Variants in CDH9 observed in about 807,000 individuals in gnomAD.
CDH9 encodes cadherin 9.
CDH9 carries 28 observed loss-of-function variants against 70.9 expected under a neutral mutation model. The observed-to-expected ratio is 0.40, with a 90% CI of 0.29 to 0.54. The LOEUF is 0.54. CDH9 is among the 20% of genes least tolerant of loss of function. The pLI is 0.59. For synonymous variants in CDH9, 409 were observed against 343.1 expected, an observed-to-expected ratio of 1.19 and a Z score of -2.12; for missense variants, 874 against 984.4, an observed-to-expected ratio of 0.89 and a Z score of 1.50.
At position 26,881,580 on chromosome 5, in the gene CDH9, C is replaced by A; in HGVS notation, c.1926G>T (p.Lys642Asn). 1 of 1,612,222 alleles carries A rather than the reference C, an allele frequency of 6.2e-7. No individual in the cohort carries two copies. Among genetic ancestry groups the A allele is most frequent in the South Asian group, 1.1e-5 (1 of 90,796 alleles). Reference protein sequence around the residue: ...LFAALKRQRKKEPLIISKDDV... With the variant: ...LFAALKRQRKNEPLIISKDDV... ...CGTCTTTTGAAATTATCAGAGGTTC[C>A]TTTTTTCTTTGCCTCTTCAATGCAG... The change falls in exon 12 of 12, where the codon AAG (lysine) becomes AAT (asparagine). Residue 642 changes from lysine (K) to asparagine (N), a missense_variant. Coordinates refer to ENST00000231021, the MANE Select transcript of CDH9 (RefSeq NM_016279.4).
At chr5:26,926,056 A>T (rs1741330439) in intron 2 of CDH9, among the ~76,000 whole-genome samples, 1 of 152,170 alleles carries the variant, frequency 6.6e-6, no homozygotes, top group African/African-American at 2.4e-5. Context: ...CTCTCTCACC[A>T]TTCCTATTCA....
At position 26,906,146 on chromosome 5, in the gene CDH9, A is replaced by G. The variant is rs1041159504; in HGVS notation, c.644-20T>C. On this transcript the variant is annotated intron_variant, in intron 4 of 11. Coordinates refer to ENST00000231021, the MANE Select transcript of CDH9 (RefSeq NM_016279.4). ...TTATGCCTTTTGGAAAAAGCAGACA[A>G]AAGTTTTGCAATTAAATCGCTGAGT... is the stretch of plus-strand genomic sequence containing the variant. 5 of 1,596,748 alleles carry G rather than the reference A, an allele frequency of 3.1e-6. No homozygotes were observed. Among genetic ancestry groups the G allele is most frequent in the Non-Finnish European group, 4.3e-6 (5 of 1,171,290 alleles).
At chr5:26,896,655 A>G (rs1370938901) in intron 7 of CDH9, among the ~76,000 whole-genome samples, 1 of 151,950 alleles carries the variant, frequency 6.6e-6, no homozygotes, top group African/African-American at 2.4e-5. Flanking sequence ...AATCTCTGGG[A>G]CACAGCTAAA....
At chr5:27,031,752 G>T (rs757650098) in intron 1 of CDH9, among the ~76,000 whole-genome samples, 2 of 151,826 alleles carry the variant, frequency 1.3e-5, no homozygotes, top group Non-Finnish European at 2.9e-5. Flanking sequence ...CAATGTAAAC[G>T]GTTGTGTGAC....
intron 2 of CDH9, among the ~76,000 whole-genome samples, chr5:26,952,510 C>T (rs1050986832): frequency 7.2e-6 from 1 of 137,990 alleles, no homozygotes; most frequent in Non-Finnish European, 1.5e-5. Context: ...TGGGAGGCGC[C>T]TGTGGTCCCA....
intron 7 of CDH9, among the ~76,000 whole-genome samples, chr5:26,900,635 A>G (rs570879522): frequency 5.9e-5 from 9 of 152,136 alleles, no homozygotes; most frequent in Non-Finnish European, 1.2e-4. Flanking sequence ...AACATGTTTC[A>G]TCATCTAAGT....
intron 1 of CDH9, among the ~76,000 whole-genome samples, chr5:27,014,842 G>C (rs1743019170): frequency 6.6e-6 from 1 of 151,706 alleles, no homozygotes; most frequent in Non-Finnish European, 1.5e-5. Context: ...ATTCATCTAA[G>C]AGTTTTTCAA....
intron 1 of CDH9, among the ~76,000 whole-genome samples, chr5:27,008,887 T>G (rs192479376): frequency 4.1e-4 from 62 of 152,294 alleles, no homozygotes; most frequent in Admixed American, 4.6e-4. Context: ...AAAATAACTT[T>G]GCAATTGAAG....
At chr5:26,890,758 A>G (rs1740646307) in intron 7 of CDH9, 194 bp from the exon 8 acceptor site, 2 of 539,188 alleles carry the variant, frequency 3.7e-6, no homozygotes, top group South Asian at 4.7e-5. Context: ...TCTACTTACT[A>G]TATTATCCTA....
chr5:26,998,171 T>C (rs1320384947), intron 1 of CDH9, among the ~76,000 whole-genome samples: 1 of 152,134 alleles, frequency 6.6e-6, no homozygotes, highest in Admixed American at 6.6e-5. Flanking sequence ...AAACAACCAA[T>C]GCCCAACAGG....
chr5:27,009,314 G>A (rs1210521244), intron 1 of CDH9, among the ~76,000 whole-genome samples: 41 of 152,080 alleles, frequency 2.7e-4, no homozygotes, highest in Non-Finnish European at 4.4e-5. Flanking sequence ...AGAAACCTAT[G>A]CATTAAAAGA....
At chr5:26,953,352 C>A (rs1741887104) in intron 2 of CDH9, among the ~76,000 whole-genome samples, 1 of 152,150 alleles carries the variant, frequency 6.6e-6, no homozygotes, top group Admixed American at 6.5e-5. Context: ...TTGTACACTA[C>A]AATTGTAATC....
Position 26,889,943 on chromosome 5 carries a change from T to C in CDH9, c.1405A>G (p.Ser469Gly). The change falls in exon 9 of 12, where the codon AGT becomes GGT. Residue 469 changes from serine (S) to glycine (G), a missense_variant. Ser to Gly is a moderately conservative substitution (Grantham distance 56). Coordinates refer to ENST00000231021, the MANE Select transcript of CDH9 (RefSeq NM_016279.4). ...CTGATGAAGACAGGGATGTGGCTACTTTGTTTTGGGTTATCTGCAACGAGA... is the reference window on the plus strand; with the variant it reads ...CTGATGAAGACAGGGATGTGGCTACCTTGTTTTGGGTTATCTGCAACGAGA... ...TATEINNPKQSSHIPVFIRIL... is the reference protein window; with the variant it reads ...TATEINNPKQGSHIPVFIRIL... The C allele has an allele frequency of 6.2e-7, 1 of 1,609,414 alleles. No homozygotes were observed. Among genetic ancestry groups the C allele is most frequent in the Non-Finnish European group, 8.5e-7 (1 of 1,177,852 alleles).
chr5:26,890,697 A>G (rs1393501745), intron 7 of CDH9, 133 bp from the exon 8 acceptor site: 1 of 635,242 alleles, frequency 1.6e-6, no homozygotes, highest in Non-Finnish European at 2.8e-6. Context: ...ACTTTCTTGA[A>G]TTTTTATTTT....
At position 26,902,674 on chromosome 5, in the gene CDH9, G is replaced by A. The variant is rs1338891685; in HGVS notation, c.1055C>T (p.Thr352Ile). The change falls in exon 7 of 12, where the codon ACT becomes ATT. Residue 352 changes from threonine (T) to isoleucine (I), a missense_variant. Transcript: ENST00000231021. ...GTGTAAGAATCGTGGATCAGGGTGA[G>A]TGTTACTTGCATCCACTCTTAAAGT... Reference protein sequence around the residue: ...LYTLRVDASNTHPDPRFLHLG... With the variant: ...LYTLRVDASNIHPDPRFLHLG... 16 of 1,577,664 alleles carry A rather than the reference G, an allele frequency of 1.0e-5. No homozygotes were observed. Among genetic ancestry groups the A allele is most frequent in the Non-Finnish European group, 1.4e-5 (16 of 1,147,346 alleles).
chr5:26,920,754 C>T (rs958837115), intron 2 of CDH9, among the ~76,000 whole-genome samples: 9 of 152,148 alleles, frequency 5.9e-5, no homozygotes, highest in African/African-American at 1.9e-4. Context: ...AAAGCAGTAC[C>T]TCTATGAGTC....
chr5:26,894,615 A>T (rs1427665519), intron 7 of CDH9, among the ~76,000 whole-genome samples: 3 of 152,118 alleles, frequency 2.0e-5, no homozygotes, highest in African/African-American at 7.2e-5. Flanking sequence ...TCTTTTATTT[A>T]GCAGCCAAAC....
In CDH9 at chr5:26,988,392, A is replaced by G; in HGVS notation, c.-49-10T>C. 1 of 1,569,830 alleles carries G rather than the reference A, an allele frequency of 6.4e-7. No individual in the cohort carries two copies. The highest frequency in any genetic ancestry group is 1.2e-5 in the South Asian group (1 of 86,338). On this transcript the variant is annotated splice_polypyrimidine_tract_variant and intron_variant, in intron 1 of 11. Coordinates refer to ENST00000231021, the MANE Select transcript of CDH9 (RefSeq NM_016279.4). ...GTATTGTTTGTTTTTCCTAAAGAGT[A>G]AGGAGAAAAAAAATGGCTGTATTAG...
intron 1 of CDH9, among the ~76,000 whole-genome samples, chr5:27,017,209 T>A (rs1245965313): frequency 6.6e-6 from 1 of 151,966 alleles, no homozygotes; most frequent in African/African-American, 2.4e-5. Context: ...ACATTGAGAA[T>A]GAAGGAACAA....
Sources: gnomAD v4.1 joint callset for allele counts (sites outside exome capture counted in the v4.1 genomes callset) on GRCh38, gnomAD v4.1.1 for gene constraint, MANE v1.5 for transcripts, NCBI Gene and HGNC (gene_info 2026-07-23, HGNC 2026-07-21) for gene names.